PAK3: variants seen among roughly 807,000 people sequenced by gnomAD.
PAK3 encodes the protein serine/threonine-protein kinase PAK 3.
PAK3 carries 4 observed loss-of-function variants against 41.0 expected under a neutral mutation model. The observed-to-expected ratio is 0.10, with a 90% CI of 0.05 to 0.22. The LOEUF is 0.22. Ranked by LOEUF, PAK3 falls within the 10% of genes least tolerant of loss-of-function variation. The pLI is 1.00. For synonymous variants in PAK3, 146 were observed against 139.6 expected (o/e 1.05, Z -0.32); for missense variants, 205 against 409.9 (o/e 0.50, Z 4.32).
chrX:111,174,580 G>C (rs1049788162), intron 11 of PAK3, among the ~76,000 whole-genome samples: 1 of 111,907 alleles, frequency 8.9e-6, no homozygotes, highest in Non-Finnish European at 1.9e-5. Context: ...ATAAACAACA[G>C]AACTTACTGT....
At chrX:110,968,331 T>C (rs1307209483) in intron 1 of PAK3, among the ~76,000 whole-genome samples, 1 of 112,637 alleles carries the variant, frequency 8.9e-6, no homozygotes, top group African/African-American at 3.2e-5. Flanking sequence ...CTTTCATCTC[T>C]AGAATAAGTG....
intron 1 of PAK3, among the ~76,000 whole-genome samples, chrX:111,003,691 G>A (rs1045373088): frequency 5.4e-5 from 6 of 111,869 alleles, no homozygotes; most frequent in African/African-American, 1.6e-4. Flanking sequence ...GGAGATCAGG[G>A]ATGACTTCAT....
At chrX:111,002,284 A>G (rs1317918669) in intron 1 of PAK3, among the ~76,000 whole-genome samples, 1 of 112,064 alleles carries the variant, frequency 8.9e-6, no homozygotes, top group Non-Finnish European at 1.9e-5. Context: ...AGGCTAAGAG[A>G]TGTTAAATAA....
chrX:111,142,819 G>A (rs1459720258), intron 6 of PAK3, among the ~76,000 whole-genome samples: 1 of 110,689 alleles, frequency 9.0e-6, no homozygotes, highest in African/African-American at 3.3e-5. Context: ...TCTCTCTCTA[G>A]AGATGTCATG....
In PAK3 at chrX:111,014,362, C is replaced by G. The variant is rs185366452; in HGVS notation, c.-28+69734C>G. On this transcript the variant is annotated intron_variant, in intron 1 of 14. Coordinates refer to the PAK3 transcript ENST00000425146. Reference sequence around the variant, plus strand: ...TAAAAAAAATTAGGTAGTTAAGATCCCAAAATGTAAAGCAGATAAAAGTAG... The same window carrying G: ...TAAAAAAAATTAGGTAGTTAAGATCGCAAAATGTAAAGCAGATAAAAGTAG... Among the ~76,000 whole-genome samples, 3 of 110,705 alleles carry G rather than the reference C, an allele frequency of 2.7e-5. No individual in the cohort carries two copies. In the East Asian group the frequency reaches 8.6e-4, roughly 32 times the overall value.
At chrX:110,989,955 C>T (rs1358649578) in intron 1 of PAK3, among the ~76,000 whole-genome samples, 1 of 112,481 alleles carries the variant, frequency 8.9e-6, no homozygotes, top group East Asian at 2.8e-4. Flanking sequence ...CCTTCCCAAT[C>T]TCAACTGAGG....
intron 1 of PAK3, among the ~76,000 whole-genome samples, chrX:110,984,177 A>G (rs777761755): frequency 6.9e-4 from 77 of 111,838 alleles, no homozygotes; most frequent in South Asian, 2.6e-3. Context: ...TATATCACAG[A>G]CACATACATA....
At chrX:111,205,386 G>A (rs1335340254) in intron 16 of PAK3, among the ~76,000 whole-genome samples, 2 of 111,009 alleles carry the variant, frequency 1.8e-5, no homozygotes, top group Non-Finnish European at 3.8e-5. Context: ...GCTGTACACA[G>A]CCTACAGCCT....
chrX:110,970,307 A>C (rs746176962), intron 1 of PAK3, among the ~76,000 whole-genome samples: 15 of 111,599 alleles, frequency 1.3e-4, no homozygotes, highest in Non-Finnish European at 2.6e-4. Flanking sequence ...TAGATATTAG[A>C]CTTTTGTCAT....
chrX:110,945,126 A>G (rs1470521995), intron 1 of PAK3, among the ~76,000 whole-genome samples: 1 of 111,139 alleles, frequency 9.0e-6, no homozygotes, highest in Non-Finnish European at 1.9e-5. Flanking sequence ...GTGAGAGGAC[A>G]CTCCCTGTAT....
chrX:111,087,746 G>C (rs1281344800), intron 1 of PAK3, among the ~76,000 whole-genome samples: 1 of 54,813 alleles, frequency 1.8e-5, no homozygotes, highest in Non-Finnish European at 3.5e-5. Context: ...ATCAGGACAG[G>C]GACTGCAAAA....
At chrX:111,148,114 G>A (rs774157863) in intron 7 of PAK3, among the ~76,000 whole-genome samples, 2 of 112,012 alleles carry the variant, frequency 1.8e-5, no homozygotes, top group African/African-American at 6.5e-5. Flanking sequence ...TAGTGAAGGA[G>A]TAGTTGTGAG....
At chrX:111,132,893 C>T (rs2093738629) in intron 5 of PAK3, among the ~76,000 whole-genome samples, 1 of 111,176 alleles carries the variant, frequency 9.0e-6, no homozygotes, top group South Asian at 3.9e-4. Context: ...AAATCATACA[C>T]ACACACACAC....
intron 3 of PAK3, among the ~76,000 whole-genome samples, chrX:111,099,646 C>G (rs148380355): frequency 0.012 from 1,305 of 105,320 alleles, 22 homozygotes; most frequent in African/African-American, 0.043. Flanking sequence ...GCCAAAGGAC[C>G]AGGAACTGGG....
chrX:110,981,720 G>C (rs2091450909), intron 1 of PAK3, among the ~76,000 whole-genome samples: 2 of 111,725 alleles, frequency 1.8e-5, no homozygotes, highest in South Asian at 7.5e-4. Context: ...CCAACACCTT[G>C]ATTTCAATGC....
At chrX:111,034,850 C>T (rs141834178) in intron 1 of PAK3, among the ~76,000 whole-genome samples, 9 of 110,646 alleles carry the variant, frequency 8.1e-5, no homozygotes, top group Non-Finnish European at 1.3e-4. Flanking sequence ...CCTGTAATCC[C>T]AGCACTTTGG....
At chrX:111,029,780 G>A (rs1032381792) in intron 1 of PAK3, among the ~76,000 whole-genome samples, 4 of 111,230 alleles carry the variant, frequency 3.6e-5, no homozygotes, top group Non-Finnish European at 7.6e-5. Context: ...GGATCTCCTG[G>A]TGTTATTCAA....
chrX:111,071,387 C>A (rs771495158), intron 1 of PAK3, among the ~76,000 whole-genome samples: 45 of 111,890 alleles, frequency 4.0e-4, no homozygotes, highest in Non-Finnish European at 7.1e-4. Context: ...CCTAAATTTC[C>A]TTATCTTTAA....
chrX:111,027,133 C>A (rs2092281709), intron 1 of PAK3, among the ~76,000 whole-genome samples: 1 of 111,113 alleles, frequency 9.0e-6, no homozygotes, highest in Non-Finnish European at 1.9e-5. Flanking sequence ...ACTGGATTCT[C>A]ATCTCACGCC....
Sources: gnomAD v4.1 joint callset for allele counts (sites outside exome capture counted in the v4.1 genomes callset) on GRCh38, gnomAD v4.1.1 for gene constraint, MANE v1.5 for transcripts, NCBI Gene and HGNC (gene_info 2026-07-23, HGNC 2026-07-21) for gene names.